GRID2: variants seen among roughly 807,000 people sequenced by gnomAD.
GRID2 encodes glutamate ionotropic receptor delta type subunit 2.
A neutral mutation model predicts 114.8 loss-of-function variants in GRID2; 33 were observed. The observed-to-expected ratio is 0.29, with a 90% confidence interval of 0.22 to 0.38. The LOEUF (loss-of-function observed/expected upper bound fraction) is 0.38, where lower values mean the gene tolerates loss of function less well. Ranked by LOEUF, GRID2 falls within the 10% of genes least tolerant of loss-of-function variation. The pLI, the probability that GRID2 is intolerant of heterozygous loss-of-function variation, is 1.00. For synonymous variants in GRID2, 505 were observed against 449.9 expected (o/e 1.12, Z -1.55); for missense variants, 1,184 against 1,257.7 (o/e 0.94, Z 0.89).
chr4:93,058,588 G>A (rs780524208), intron 2 of GRID2, among the ~76,000 whole-genome samples: 13 of 151,702 alleles, frequency 8.6e-5, no homozygotes, highest in African/African-American at 1.7e-4. Flanking sequence ...TATGTGTGCC[G>A]TTATTGCTTA....
At chr4:93,008,053 A>T (rs1367122083) in intron 2 of GRID2, among the ~76,000 whole-genome samples, 1 of 151,024 alleles carries the variant, frequency 6.6e-6, no homozygotes, top group East Asian at 2.0e-4. Context: ...AAAAAAAAAA[A>T]TCCTTGATTT....
At chr4:92,758,206 A>G (rs1163661041) in intron 2 of GRID2, among the ~76,000 whole-genome samples, 1 of 152,124 alleles carries the variant, frequency 6.6e-6, no homozygotes, top group African/African-American at 2.4e-5. Context: ...TATATAAGTC[A>G]CAATTATCAG....
rs138218426 is a variant in GRID2, at chr4:92,407,842, C to T, written c.88+103098C>T. ...CAGATTCTGGGTGTTAGATCTTTGT[C>T]AGCTGAATAACTTACAATTATTCTT... On this transcript the variant is annotated intron_variant, in intron 1 of 15. Transcript: ENST00000282020. 2.4e-3 allele frequency among the ~76,000 whole-genome samples: 361 copies of T among 152,152 alleles called. 3 individuals carry two copies. Among genetic ancestry groups the T allele is most frequent in the African/African-American group, 8.5e-3 (351 of 41,514 alleles).
chr4:92,586,764 C>A (rs1399179513), intron 1 of GRID2, among the ~76,000 whole-genome samples: 1 of 151,624 alleles, frequency 6.6e-6, no homozygotes, highest in Non-Finnish European at 1.5e-5. Flanking sequence ...GTCCATTAGT[C>A]CGTGAAAATT....
intron 1 of GRID2, among the ~76,000 whole-genome samples, chr4:92,587,012 G>C (rs1361874697): frequency 6.6e-6 from 1 of 151,594 alleles, no homozygotes; most frequent in Non-Finnish European, 1.5e-5. Context: ...GAATATTCAG[G>C]AGGTGTTCCT....
At chr4:92,305,558 T>G (rs1376128258) in intron 1 of GRID2, among the ~76,000 whole-genome samples, 1 of 151,958 alleles carries the variant, frequency 6.6e-6, no homozygotes, top group Non-Finnish European at 1.5e-5. Context: ...CAACTCCGAG[T>G]AGCCGCGCAA....
At chr4:93,292,483 T>G (rs551344335) in intron 8 of GRID2, among the ~76,000 whole-genome samples, 2 of 152,302 alleles carry the variant, frequency 1.3e-5, no homozygotes, top group Admixed American at 6.5e-5. Flanking sequence ...AAAACATAGC[T>G]ATTCTTTTAG....
intron 1 of GRID2, among the ~76,000 whole-genome samples, chr4:93,792,841 G>C (rs1290875887): frequency 6.6e-6 from 1 of 152,144 alleles, no homozygotes; most frequent in Non-Finnish European, 1.5e-5. Flanking sequence ...ATGGAGGGGA[G>C]GAGAGGACGA....
At chr4:92,367,666 T>C (rs1411852308) in intron 1 of GRID2, among the ~76,000 whole-genome samples, 2 of 152,102 alleles carry the variant, frequency 1.3e-5, no homozygotes, top group Admixed American at 6.6e-5. Flanking sequence ...TAAGCTATGG[T>C]ATTTTCATCT....
intron 1 of GRID2, among the ~76,000 whole-genome samples, chr4:92,550,662 C>T (rs1331678006): frequency 6.6e-6 from 1 of 152,036 alleles, no homozygotes; most frequent in Non-Finnish European, 1.5e-5. Context: ...ATTGAGGGCA[C>T]CTTCACAGTT....
intron 2 of GRID2, among the ~76,000 whole-genome samples, chr4:92,835,761 A>G (rs929703280): frequency 3.3e-5 from 5 of 152,154 alleles, no homozygotes; most frequent in African/African-American, 1.2e-4. Flanking sequence ...ATGTATGCAT[A>G]CATATAAACC....
intron 1 of GRID2, among the ~76,000 whole-genome samples, chr4:92,329,366 C>T (rs1218126876): frequency 1.3e-5 from 2 of 151,924 alleles, no homozygotes; most frequent in Non-Finnish European, 2.9e-5. Flanking sequence ...CTTTATTTCC[C>T]TATTTTAGCT....
intron 12 of GRID2, among the ~76,000 whole-genome samples, chr4:93,510,216 G>C (rs1388382247): frequency 6.6e-6 from 1 of 152,002 alleles, no homozygotes; most frequent in Non-Finnish European, 1.5e-5. Context: ...ATAGAAAATG[G>C]GATTAGACTT....
At chr4:93,197,329 T>C (rs1490257636) in intron 4 of GRID2, among the ~76,000 whole-genome samples, 1 of 152,186 alleles carries the variant, frequency 6.6e-6, no homozygotes, top group Non-Finnish European at 1.5e-5. Context: ...TTTCGCTTTA[T>C]GATTTGGGTG....
At chr4:92,994,452 A>G (rs572311976) in intron 2 of GRID2, among the ~76,000 whole-genome samples, 4 of 152,104 alleles carry the variant, frequency 2.6e-5, no homozygotes, top group South Asian at 4.2e-4. Flanking sequence ...TCCTGGGTTC[A>G]GGTGATTCTC....
At chr4:92,400,945 T>G (rs1730758516) in intron 1 of GRID2, among the ~76,000 whole-genome samples, 1 of 152,158 alleles carries the variant, frequency 6.6e-6, no homozygotes, top group Non-Finnish European at 1.5e-5. Context: ...AAATTTATCT[T>G]TTTATCGTTA....
chr4:92,909,816 C>A (rs1443314331), intron 2 of GRID2, among the ~76,000 whole-genome samples: 1 of 151,916 alleles, frequency 6.6e-6, no homozygotes, highest in Non-Finnish European at 1.5e-5. Flanking sequence ...TGCTCTATGT[C>A]CTTAAGGAAC....
At chr4:93,303,224 C>G (rs1285900342) in intron 8 of GRID2, among the ~76,000 whole-genome samples, 11 of 152,290 alleles carry the variant, frequency 7.2e-5, no homozygotes, top group Non-Finnish European at 1.5e-5. Flanking sequence ...TCCTCTAACA[C>G]TGGGGATTAC....
At chr4:92,732,245 G>T (rs1017199348) in intron 2 of GRID2, among the ~76,000 whole-genome samples, 1 of 152,002 alleles carries the variant, frequency 6.6e-6, no homozygotes, top group South Asian at 2.1e-4. Flanking sequence ...GTCATTGTGT[G>T]TATGTTTGTA....
Sources: allele counts gnomAD v4.1 joint callset (sites outside exome capture counted in the v4.1 genomes callset), GRCh38; gene constraint gnomAD v4.1.1; transcripts MANE v1.5; gene names NCBI Gene and HGNC (gene_info 2026-07-23, HGNC 2026-07-21).